The following NOL4 variants were observed in gnomAD, a reference collection of about 807,000 sequenced individuals.
NOL4 encodes the protein nucleolar protein 4.
Under a neutral mutation model 75.9 loss-of-function variants are expected in NOL4, and 17 were observed. That is an observed-to-expected ratio of 0.22 (90% CI 0.15 to 0.34). The LOEUF (loss-of-function observed/expected upper bound fraction) is 0.34. Ranked by LOEUF, NOL4 falls within the 10% of genes least tolerant of loss-of-function variation. The probability of loss-of-function intolerance (pLI) is 1.00; values close to 1 mark genes in which losing one functional copy is unlikely to be tolerated. For missense variants in NOL4, 614 were observed against 793.5 expected, an observed-to-expected ratio of 0.77 and a Z score of 2.72; for synonymous variants, 292 against 289.9, an observed-to-expected ratio of 1.01 and a Z score of -0.07.
At chr18:34,067,984 A>G (rs759701259) in intron 5 of NOL4, among the ~76,000 whole-genome samples, 9 of 152,198 alleles carry the variant, frequency 5.9e-5, no homozygotes, top group Non-Finnish European at 8.8e-5. Context: ...AACAACAAAA[A>G]CCATCCAAAG....
At chr18:33,934,000 T>C (rs1443953173) in intron 9 of NOL4, among the ~76,000 whole-genome samples, 2 of 152,098 alleles carry the variant, frequency 1.3e-5, no homozygotes, top group Non-Finnish European at 2.9e-5. Context: ...ATATAAGACC[T>C]GAAAGTATGA....
chr18:33,966,730 T>C (rs1223354515), intron 6 of NOL4, among the ~76,000 whole-genome samples: 1 of 152,102 alleles, frequency 6.6e-6, no homozygotes, highest in Non-Finnish European at 1.5e-5. Context: ...TGCAATCTCA[T>C]TTAAAATAGC....
At chr18:34,210,328 TCGAAG>T (rs1248738216) in intron 1 of NOL4, among the ~76,000 whole-genome samples, 3 of 152,220 alleles carry the variant, frequency 2.0e-5, no homozygotes, top group African/African-American at 7.2e-5. Context: ...AGTTCAGAAT[TCGAAG>T]TTCTCTTTTT....
chr18:33,978,133 G>A (rs76680070), intron 6 of NOL4, among the ~76,000 whole-genome samples: 5,073 of 152,182 alleles, frequency 0.033, 158 homozygotes, highest in Middle Eastern at 0.088. Flanking sequence ...CCAGTTGGCC[G>A]CTATCTGCCA....
At chr18:34,176,958 TC>T (rs2033607080) in intron 1 of NOL4, among the ~76,000 whole-genome samples, 1 of 152,044 alleles carries the variant, frequency 6.6e-6, no homozygotes, top group East Asian at 1.9e-4. Context: ...ATAGAAGGGA[TC>T]CTTTATAAGA....
At chr18:33,857,960 A>G (rs1206310672) in intron 10 of NOL4, among the ~76,000 whole-genome samples, 5 of 152,066 alleles carry the variant, frequency 3.3e-5, no homozygotes, top group Non-Finnish European at 7.4e-5. Flanking sequence ...TTCCACACTT[A>G]CTATTCATAG....
intron 6 of NOL4, among the ~76,000 whole-genome samples, chr18:33,989,111 C>G (rs2146085070): frequency 6.8e-6 from 1 of 146,372 alleles, no homozygotes; most frequent in South Asian, 2.1e-4. Flanking sequence ...TCAACTGAGC[C>G]CAGGAGGTCG....
At chr18:34,047,819 T>C (rs1279710215) in intron 5 of NOL4, among the ~76,000 whole-genome samples, 1 of 152,112 alleles carries the variant, frequency 6.6e-6, no homozygotes, top group Admixed American at 6.6e-5. Context: ...AAAATCCATC[T>C]GAGGCGATCA....
chr18:34,056,776 C>A (rs182578932), intron 5 of NOL4, among the ~76,000 whole-genome samples: 1 of 152,000 alleles, frequency 6.6e-6, no homozygotes, highest in Non-Finnish European at 1.5e-5. Context: ...GTCTGGGTGC[C>A]GCTACTTCTT....
At chr18:34,014,788 T>G (rs1441149806) in intron 6 of NOL4, among the ~76,000 whole-genome samples, 1 of 152,082 alleles carries the variant, frequency 6.6e-6, no homozygotes. Context: ...TTAGTTAATG[T>G]GATTCCCTGC....
intron 6 of NOL4, among the ~76,000 whole-genome samples, chr18:33,962,206 TATA>T (rs2070196020): frequency 6.6e-6 from 1 of 152,168 alleles, no homozygotes; most frequent in African/African-American, 2.4e-5. Flanking sequence ...CCTTAAGTTG[TATA>T]ATACCATACA....
intron 6 of NOL4, among the ~76,000 whole-genome samples, chr18:34,008,298 C>A (rs898437811): frequency 1.3e-5 from 2 of 151,900 alleles, no homozygotes; most frequent in African/African-American, 4.8e-5. Context: ...TGGCTGACAG[C>A]AGATCATTGA....
chr18:33,923,813 T>A (rs572712147), intron 9 of NOL4, among the ~76,000 whole-genome samples: 5 of 152,260 alleles, frequency 3.3e-5, no homozygotes, highest in African/African-American at 1.2e-4. Flanking sequence ...TATAGTTTTT[T>A]AAAAAGCAAC....
chr18:34,112,463 A>ATG (rs2079641176), intron 2 of NOL4, among the ~76,000 whole-genome samples: 1 of 151,980 alleles, frequency 6.6e-6, no homozygotes, highest in Admixed American at 6.6e-5. Context: ...TTAATTTTAT[A>ATG]TGTGTATATA....
At chr18:34,114,895 C>T (rs1482345318) in intron 2 of NOL4, among the ~76,000 whole-genome samples, 8 of 151,978 alleles carry the variant, frequency 5.3e-5, no homozygotes, top group Admixed American at 2.6e-4. Flanking sequence ...TTCAAGAAAC[C>T]CAAAGTATCA....
chr18:34,036,526 C>A (rs1320812083), intron 5 of NOL4, among the ~76,000 whole-genome samples: 1 of 152,162 alleles, frequency 6.6e-6, no homozygotes, highest in South Asian at 2.1e-4. Flanking sequence ...AGGTTGAAAG[C>A]TTTTTCCTTA....
chr18:34,146,124 C>A (rs1482187938), intron 1 of NOL4, among the ~76,000 whole-genome samples: 1 of 152,068 alleles, frequency 6.6e-6, no homozygotes, highest in East Asian at 1.9e-4. Flanking sequence ...CTTTCCATTG[C>A]ATCCCTTACA....
At chr18:34,083,004 C>A (rs2078079931) in intron 5 of NOL4, among the ~76,000 whole-genome samples, 1 of 152,072 alleles carries the variant, frequency 6.6e-6, no homozygotes, top group Non-Finnish European at 1.5e-5. Context: ...AAGAAATACT[C>A]CAGTACCTCA....
At chr18:34,133,154 C>T (rs1298203664) in intron 1 of NOL4, among the ~76,000 whole-genome samples, 5 of 151,744 alleles carry the variant, frequency 3.3e-5, no homozygotes, top group Non-Finnish European at 5.9e-5. Context: ...TGCCTGTAAT[C>T]CCAGCTACTT....
Sources: gnomAD v4.1 joint callset for allele counts (sites outside exome capture counted in the v4.1 genomes callset) on GRCh38, gnomAD v4.1.1 for gene constraint, MANE v1.5 for transcripts, NCBI Gene and HGNC (gene_info 2026-07-23, HGNC 2026-07-21) for gene names.